The following VIPR2 variants were observed in gnomAD, a reference collection of about 807,000 sequenced individuals.
VIPR2 encodes vasoactive intestinal peptide receptor 2, also known as vasoactive intestinal polypeptide receptor 2.
VIPR2 carries 48 observed loss-of-function variants against 58.0 expected under a neutral mutation model. The observed-to-expected ratio is 0.83, with a 90% CI of 0.66 to 1.05. VIPR2 has a LOEUF of 1.05. Among genes scored for constraint, VIPR2 ranks in the 50% least tolerant of loss-of-function variants. The pLI, the probability that VIPR2 is intolerant of heterozygous loss-of-function variation, is 0.00. For missense variants in VIPR2, 534 were observed against 558.0 expected (o/e 0.96, Z 0.43); for synonymous variants, 243 against 235.2 (o/e 1.03, Z -0.30).
chr7:159,045,840 G>A (rs754281363), intron 5 of VIPR2, among the ~76,000 whole-genome samples: 11 of 149,428 alleles, frequency 7.4e-5, no homozygotes, highest in Non-Finnish European at 1.5e-4. Flanking sequence ...AAAATCTACA[G>A]AATGGGAGAA....
At chr7:159,085,645 C>A (rs1202806274) in intron 4 of VIPR2, among the ~76,000 whole-genome samples, 2 of 152,136 alleles carry the variant, frequency 1.3e-5, no homozygotes. Context: ...ACGCCAGGAT[C>A]GAATCCCATG....
chr7:159,050,234 G>T (rs542859775), intron 5 of VIPR2, among the ~76,000 whole-genome samples: 73 of 151,998 alleles, frequency 4.8e-4, no homozygotes, highest in African/African-American at 1.6e-3. Flanking sequence ...CTACTTGAGA[G>T]ACTGAGGCAG....
chr7:159,137,930 A>G (rs1797297171), intron 2 of VIPR2, among the ~76,000 whole-genome samples: 1 of 152,252 alleles, frequency 6.6e-6, no homozygotes, highest in Non-Finnish European at 1.5e-5. Flanking sequence ...CGTCTACACC[A>G]TCAATATTGA....
chr7:159,135,004 G>GTTTTTT lies in VIPR2; in HGVS notation c.151+7436_151+7441dup, dbSNP rs747914292. On this transcript the variant is annotated intron_variant, in intron 2 of 12. Transcript: ENST00000262178. ...TATTGGTCTTCTCTTAATTACAAAA[G>GTTTTTT]TTTTTTTTTTTTTTTTTTTTTTTTT... Among the ~76,000 whole-genome samples the GTTTTTT allele has an allele frequency of 7.7e-4, 51 of 65,962 alleles. 3 individuals are homozygous for GTTTTTT. The highest frequency in any genetic ancestry group is 3.1e-3 in the African/African-American group (47 of 15,384). The allele number at this position is 65,962 out of a possible 152,430, so 43.3% of individuals were successfully genotyped here. A position where few individuals can be genotyped will look rare whatever the true frequency, so the allele number is the denominator to read the frequency against.
chr7:159,117,863 A>T (rs1289082917), intron 2 of VIPR2, among the ~76,000 whole-genome samples: 3 of 152,168 alleles, frequency 2.0e-5, no homozygotes, highest in Admixed American at 6.5e-5. Context: ...GAGTGGGAAA[A>T]GGAAAGCTGA....
At chr7:159,116,666 C>T (rs567493981) in intron 2 of VIPR2, among the ~76,000 whole-genome samples, 3 of 152,206 alleles carry the variant, frequency 2.0e-5, no homozygotes, top group Admixed American at 6.5e-5. Context: ...ACAGCATTTT[C>T]AACGGAATAC....
intron 2 of VIPR2, among the ~76,000 whole-genome samples, chr7:159,124,977 G>A (rs928836993): frequency 9.9e-5 from 15 of 152,116 alleles, no homozygotes; most frequent in African/African-American, 1.7e-4. Flanking sequence ...TTTTCTGTTC[G>A]TGGATTTTGT....
In VIPR2 at chr7:159,030,474, G is replaced by C. The variant is rs1269331131; in HGVS notation, c.*142C>G. The C allele has an allele frequency of 9.8e-7, 1 of 1,024,896 alleles. No individual in the cohort carries two copies. Among genetic ancestry groups the C allele is most frequent in the Non-Finnish European group, 1.3e-6 (1 of 741,960 alleles). 63.5% of individuals were successfully genotyped at this position (1,024,896 alleles called of 1,614,324 possible). A position where few individuals can be genotyped will look rare whatever the true frequency, so the allele number is the denominator to read the frequency against. On this transcript the variant is annotated 3_prime_UTR_variant, in exon 13 of 13. Coordinates refer to ENST00000262178, the MANE Select transcript of VIPR2 (RefSeq NM_003382.5). ...CCAATTCCAGGTATGGGGTTTAGTGGACAACCAGCTTGACGGAGTCAGGAC... is the reference window on the plus strand; with the variant it reads ...CCAATTCCAGGTATGGGGTTTAGTGCACAACCAGCTTGACGGAGTCAGGAC...
intron 2 of VIPR2, among the ~76,000 whole-genome samples, chr7:159,136,429 T>C (rs1419299241): frequency 6.6e-6 from 1 of 152,048 alleles, no homozygotes; most frequent in Non-Finnish European, 1.5e-5. Context: ...GGATAAATAT[T>C]CAAACCATAG....
At chr7:159,143,909 G>A (rs1396921061) in intron 1 of VIPR2, among the ~76,000 whole-genome samples, 1 of 152,246 alleles carries the variant, frequency 6.6e-6, no homozygotes, top group Non-Finnish European at 1.5e-5. Context: ...CAAGGCCAGG[G>A]AGTGTGGCTC....
At chr7:159,125,505 C>A (rs376214786) in intron 2 of VIPR2, among the ~76,000 whole-genome samples, 1 of 152,200 alleles carries the variant, frequency 6.6e-6, no homozygotes, top group East Asian at 1.9e-4. Context: ...TCTGGTTACT[C>A]TCAGAGTCTG....
At chr7:159,076,315 G>T (rs185032571) in intron 4 of VIPR2, among the ~76,000 whole-genome samples, 2 of 152,360 alleles carry the variant, frequency 1.3e-5, no homozygotes, top group Admixed American at 1.3e-4. Context: ...CAGCTTAGGG[G>T]TGCCCTTGAA....
At chr7:159,068,906 T>C (rs949189278) in intron 4 of VIPR2, among the ~76,000 whole-genome samples, 1 of 152,036 alleles carries the variant, frequency 6.6e-6, no homozygotes, top group African/African-American at 2.4e-5. Flanking sequence ...ACCAAAAGCA[T>C]AGAAAACAAT....
rs557468481 is a variant in VIPR2, at chr7:159,050,148, C to T, written c.456-6972G>A. 8.6e-5 allele frequency among the ~76,000 whole-genome samples: 13 copies of T among 152,044 alleles called. No homozygotes were observed. In the South Asian group the frequency reaches 2.7e-3, roughly 32 times the overall value. On this transcript the variant is annotated intron_variant, in intron 5 of 12. Coordinates refer to ENST00000262178, the MANE Select transcript of VIPR2 (RefSeq NM_003382.5). ...GATCAGGAGCTTGAGACCAGCCTGG[C>T]CCACATGGTGAAACCCCGTCTCCAC...
At chr7:159,065,178 T>C (rs1856011240) in intron 4 of VIPR2, among the ~76,000 whole-genome samples, 1 of 152,248 alleles carries the variant, frequency 6.6e-6, no homozygotes, top group South Asian at 2.1e-4. Context: ...GAGAAGTGTC[T>C]GGATGTGTCT....
At position 159,029,141 on chromosome 7, in the gene VIPR2, T is replaced by C. The variant is rs1389096925; in HGVS notation, c.*1475A>G. The C allele has an allele frequency of 6.6e-6, 1 of 152,228 alleles. No individual in the cohort carries two copies. The highest frequency in any genetic ancestry group is 2.4e-5 in the African/African-American group (1 of 41,454). The allele number at this position is 152,228 out of a possible 1,614,324, so 9.4% of individuals were successfully genotyped here. On this transcript the variant is annotated 3_prime_UTR_variant, in exon 13 of 13. Transcript: ENST00000262178. ...CCTCCCGGCACAGCTGTCCCGACCT[T>C]TGACATCGCGCCCCAGCTGGGGTCT...
intron 4 of VIPR2, among the ~76,000 whole-genome samples, chr7:159,061,584 G>A (rs1175682501): frequency 4.6e-5 from 7 of 151,980 alleles, no homozygotes; most frequent in African/African-American, 1.7e-4. Flanking sequence ...TGCCAGGAAG[G>A]TGGAGGCTGC....
chr7:159,039,564 T>G (rs1435624267), intron 6 of VIPR2, among the ~76,000 whole-genome samples: 2 of 136,050 alleles, frequency 1.5e-5, no homozygotes, highest in Non-Finnish European at 3.2e-5. Context: ...AGAATTCACA[T>G]GTTGAAGCCC....
At chr7:159,101,382 C>T (rs1466503939) in intron 4 of VIPR2, among the ~76,000 whole-genome samples, 8 of 125,284 alleles carry the variant, frequency 6.4e-5, no homozygotes, top group African/African-American at 9.3e-5. Flanking sequence ...TCCGACGAGG[C>T]GGTTCCGACC....
Sources: gnomAD v4.1 joint callset for allele counts (sites outside exome capture counted in the v4.1 genomes callset) on GRCh38, gnomAD v4.1.1 for gene constraint, MANE v1.5 for transcripts, NCBI Gene and HGNC (gene_info 2026-07-23, HGNC 2026-07-21) for gene names.